Variants in PCDHGB5 observed in about 807,000 individuals in gnomAD.
PCDHGB5 encodes protocadherin gamma subfamily B, 5.
A neutral mutation model predicts 62.9 loss-of-function variants in PCDHGB5; 48 were observed. That is an observed-to-expected ratio of 0.76 (90% confidence interval 0.61 to 0.97). The LOEUF is 0.97. PCDHGB5 is among the 50% of genes least tolerant of loss of function. The pLI is 0.00. For missense variants in PCDHGB5, 1,118 were observed against 1,198.6 expected (o/e 0.93, Z 0.99); for synonymous variants, 474 against 511.2 (o/e 0.93, Z 0.98).
chr5:141,426,375 G>A, intron 1 of PCDHGB5: 2 of 216,424 alleles, frequency 9.2e-6, no homozygotes, highest in South Asian at 7.8e-5. Flanking sequence ...GGGCACCCTC[G>A]GAGCAGATCC....
intron 1 of PCDHGB5, chr5:141,424,652 G>T (rs1392693867): frequency 6.6e-6 from 1 of 152,120 alleles, no homozygotes; most frequent in East Asian, 1.9e-4. Context: ...AAGGTATTTG[G>T]ACTTTAATTA....
chr5:141,477,988 C>T lies in PCDHGB5; in HGVS notation c.2398-16819C>T, dbSNP rs771241128. The T allele has an allele frequency of 6.2e-7, 1 of 1,614,160 alleles. No individual in the cohort carries two copies. Among genetic ancestry groups the T allele is most frequent in the Non-Finnish European group, 8.5e-7 (1 of 1,180,032 alleles). On this transcript the variant is annotated intron_variant, in intron 1 of 3. Coordinates refer to ENST00000617380, the MANE Select transcript of PCDHGB5 (RefSeq NM_018925.3). This position sits in a 1 kb window ranked among gnomAD's most constrained non-coding sequence, Gnocchi z 4.9. ...AGAGCCTTTTTGCCATAGGGCTGCA[C>T]ACTGGTCAAATCAGTACTGCCCGTC...
At chr5:141,438,635 T>TATAC (rs1460604450) in intron 1 of PCDHGB5, among the ~76,000 whole-genome samples, 1 of 33,416 alleles carries the variant, frequency 3.0e-5, no homozygotes, top group Admixed American at 4.2e-4. Context: ...TATATATATA[T>TATAC]ACACACACAC....
intron 2 of PCDHGB5, among the ~76,000 whole-genome samples, chr5:141,504,268 T>A (rs539485141): frequency 2.2e-4 from 34 of 152,348 alleles, no homozygotes; most frequent in Admixed American, 1.3e-3. Context: ...AGTATTTTTT[T>A]AAATTATGAA....
Position 141,417,750 on chromosome 5 carries a change from G to A in PCDHGB5, c.2397+17226G>A, listed in dbSNP as rs1430413607. The A allele has an allele frequency of 1.5e-5, 22 of 1,426,796 alleles. 1 individual carries two copies. In the East Asian group the frequency reaches 5.5e-4, roughly 36 times the overall value. The allele number at this position is 1,426,796 out of a possible 1,614,324, so 88.4% of individuals were successfully genotyped here. On this transcript the variant is annotated intron_variant, in intron 1 of 3. Coordinates refer to ENST00000617380, the MANE Select transcript of PCDHGB5 (RefSeq NM_018925.3). ...CCTTGCCCAGCACACCAGATTGCCA[G>A]CTCCGAGACCCGGGACTCCTCCTGT...
chr5:141,417,760 C>A, intron 1 of PCDHGB5: 1 of 1,438,808 alleles, frequency 7.0e-7, no homozygotes, highest in South Asian at 1.5e-5. Context: ...GCTCCGAGAC[C>A]CGGGACTCCT....
Position 141,486,178 on chromosome 5 carries a change from C to T in PCDHGB5, c.2398-8629C>T, listed in dbSNP as rs767840363. The T allele has an allele frequency of 1.1e-5, 17 of 1,614,076 alleles. No homozygotes were observed. The highest frequency in any genetic ancestry group is 1.4e-5 in the Non-Finnish European group (16 of 1,180,038). ...CTCCAGCCATGGAGCAACATTGCAG[C>T]CTTCGAGTGGATCTGCTGGACGTAA... On this transcript the variant is annotated intron_variant, in intron 1 of 3. Coordinates refer to ENST00000617380, the MANE Select transcript of PCDHGB5 (RefSeq NM_018925.3). The surrounding 1 kb of genome is among the most constrained non-coding windows in gnomAD (Gnocchi z 5.0).
intron 1 of PCDHGB5, among the ~76,000 whole-genome samples, chr5:141,406,535 G>A (rs2094820779): frequency 6.6e-6 from 1 of 152,168 alleles, no homozygotes; most frequent in South Asian, 2.1e-4. Context: ...TTCTGACGAA[G>A]ATTCAAACTT....
intron 1 of PCDHGB5, chr5:141,440,087 A>C (rs1014881024): frequency 6.6e-6 from 1 of 152,316 alleles, no homozygotes; most frequent in African/African-American, 2.4e-5. Context: ...CTTCATTCTA[A>C]GTGGGGAAAG....
chr5:141,467,371 A>G, intron 1 of PCDHGB5, among the ~76,000 whole-genome samples: 1 of 151,906 alleles, frequency 6.6e-6, no homozygotes, highest in Non-Finnish European at 1.5e-5. Context: ...GTTTTCTTAT[A>G]TTGCATTTAG....
At chr5:141,433,847 A>AAAAAAAC (rs1296633381) in intron 1 of PCDHGB5, among the ~76,000 whole-genome samples, 1 of 151,976 alleles carries the variant, frequency 6.6e-6, no homozygotes, top group Non-Finnish European at 1.5e-5. Flanking sequence ...CAAAAAAAAA[A>AAAAAAAC]AAAAAAAACT....
At chr5:141,492,778 G>A (rs2099743821) in intron 1 of PCDHGB5, among the ~76,000 whole-genome samples, 1 of 152,250 alleles carries the variant, frequency 6.6e-6, no homozygotes, top group South Asian at 2.1e-4. Context: ...GAGTGAGTGA[G>A]CCTCTATAGG....
At chr5:141,466,624 G>C (rs1279938026) in intron 1 of PCDHGB5, among the ~76,000 whole-genome samples, 1 of 152,038 alleles carries the variant, frequency 6.6e-6, no homozygotes, top group Non-Finnish European at 1.5e-5. Context: ...GTTTTCTTTG[G>C]AGCATTGTCT....
rs1266068276 is a variant in PCDHGB5 at position 141,418,847 on chromosome 5, C to T, written c.2397+18323C>T. 1.2e-6 allele frequency: 2 copies of T among 1,613,972 alleles called. No individual in the cohort carries two copies. The highest frequency in any genetic ancestry group is 1.3e-5 in the African/African-American group (1 of 75,054). On this transcript the variant is annotated intron_variant, in intron 1 of 3. Transcript: ENST00000617380. ...AAAAGACCGAGGATCTCTCTCAACACGGTGTAAAGTAATTGTAGAAGTTGT... is the reference window on the plus strand; with the variant it reads ...AAAAGACCGAGGATCTCTCTCAACATGGTGTAAAGTAATTGTAGAAGTTGT...
At chr5:141,426,896 C>A in intron 1 of PCDHGB5, 1 of 456,782 alleles carries the variant, frequency 2.2e-6, no homozygotes, top group Non-Finnish European at 4.4e-6. Context: ...AGCAACAGAG[C>A]TCTCATCTCC....
chr5:141,470,791 A>G (rs1234712958), intron 1 of PCDHGB5, among the ~76,000 whole-genome samples: 3 of 152,152 alleles, frequency 2.0e-5, no homozygotes, highest in African/African-American at 7.2e-5. Context: ...GGGCTCAAGC[A>G]ATCCTCCCAC....
At chr5:141,483,555 C>CAG (rs1415499107) in intron 1 of PCDHGB5, among the ~76,000 whole-genome samples, 2 of 152,152 alleles carry the variant, frequency 1.3e-5, no homozygotes, top group African/African-American at 4.8e-5. Flanking sequence ...GTGCCATTCA[C>CAG]AGAGACAGTG....
intron 1 of PCDHGB5, chr5:141,416,205 A>T (rs1239154825): frequency 1.3e-5 from 2 of 152,458 alleles, no homozygotes; most frequent in Non-Finnish European, 2.9e-5. Context: ...CAATTTATTT[A>T]TAACAATGTA....
At chr5:141,492,509 C>T (rs1276866000) in intron 1 of PCDHGB5, among the ~76,000 whole-genome samples, 1 of 152,216 alleles carries the variant, frequency 6.6e-6, no homozygotes, top group African/African-American at 2.4e-5. Context: ...CCGGAGCCTC[C>T]TCTCACCTCT....
Sources: allele counts gnomAD v4.1 joint callset (sites outside exome capture counted in the v4.1 genomes callset), GRCh38; gene constraint gnomAD v4.1.1; non-coding constraint Gnocchi (gnomAD v3.1); transcripts MANE v1.5; gene names NCBI Gene and HGNC (gene_info 2026-07-23, HGNC 2026-07-21).